The following CNTNAP2 variants were observed in gnomAD, a reference collection of about 807,000 sequenced individuals.
The protein encoded by CNTNAP2 is contactin-associated protein-like 2.
In CNTNAP2, 98 loss-of-function variants were observed where a neutral mutation model predicts 155.2. The ratio of observed to expected loss-of-function variants is 0.63; its 90% CI spans 0.54 to 0.75. The LOEUF (loss-of-function observed/expected upper bound fraction) is 0.75. Ranked by LOEUF, CNTNAP2 falls within the 30% of genes least tolerant of loss-of-function variation. The pLI, the probability that CNTNAP2 is intolerant of heterozygous loss-of-function variation, is 0.00. For missense variants in CNTNAP2, 1,727 were observed against 1,688.1 expected, an observed-to-expected ratio of 1.02 and a Z score of -0.40; for synonymous variants, 651 against 631.2, an observed-to-expected ratio of 1.03 and a Z score of -0.47.
At chr7:147,352,095 T>G (rs1795976566) in intron 9 of CNTNAP2, among the ~76,000 whole-genome samples, 1 of 151,956 alleles carries the variant, frequency 6.6e-6, no homozygotes, top group African/African-American at 2.4e-5. Flanking sequence ...TGCTTTAGGT[T>G]AATGTGTATT....
chr7:146,646,415 G>C (rs1054113702), intron 1 of CNTNAP2, among the ~76,000 whole-genome samples: 3 of 152,010 alleles, frequency 2.0e-5, no homozygotes, highest in Non-Finnish European at 4.4e-5. Context: ...TTTTCAGAGG[G>C]TTCAGGTATA....
At chr7:147,924,468 T>C (rs1325159922) in intron 14 of CNTNAP2, among the ~76,000 whole-genome samples, 3 of 152,146 alleles carry the variant, frequency 2.0e-5, no homozygotes, top group Non-Finnish European at 1.5e-5. Context: ...CATTTCCTTA[T>C]GTAATCTTCA....
chr7:146,363,058 C>T (rs528573735), intron 1 of CNTNAP2, among the ~76,000 whole-genome samples: 3 of 139,784 alleles, frequency 2.1e-5, no homozygotes, highest in South Asian at 2.1e-4. Context: ...TGTGAGCCAC[C>T]GCGCCTGGCC....
chr7:146,948,972 G>T (rs958147927), intron 3 of CNTNAP2, among the ~76,000 whole-genome samples: 2 of 152,086 alleles, frequency 1.3e-5, no homozygotes, highest in African/African-American at 4.8e-5. Context: ...GAGGAAGCAG[G>T]AATAATACAA....
chr7:147,809,535 A>C (rs1798148039), intron 13 of CNTNAP2, among the ~76,000 whole-genome samples: 1 of 152,198 alleles, frequency 6.6e-6, no homozygotes, highest in Non-Finnish European at 1.5e-5. Flanking sequence ...ATAAGCTGTA[A>C]ATTCCCTTAG....
chr7:146,195,636 A>G (rs1286939252), intron 1 of CNTNAP2, among the ~76,000 whole-genome samples: 1 of 152,166 alleles, frequency 6.6e-6, no homozygotes, highest in Non-Finnish European at 1.5e-5. Context: ...AAGGGTGCAA[A>G]CTGCTAAACT....
Position 147,036,305 on chromosome 7 carries a change from T to A in CNTNAP2, c.403-7602T>A, listed in dbSNP as rs567905029. On this transcript the variant is annotated intron_variant, in intron 3 of 23. Transcript: ENST00000361727. ...ACCTCTTAGACCATCTGAAATATTG[T>A]TTTAGCTAGAAAAAACAGTGCACCT... Among the ~76,000 whole-genome samples the A allele has an allele frequency of 5.3e-5, 8 of 152,304 alleles. No individual in the cohort carries two copies. The South Asian group carries it at 1.7e-3, about 32-fold the overall frequency.
At chr7:147,733,887 ATTGC>A (rs1412423210) in intron 13 of CNTNAP2, among the ~76,000 whole-genome samples, 7 of 152,124 alleles carry the variant, frequency 4.6e-5, no homozygotes, top group African/African-American at 1.7e-4. Context: ...CTTTGCTGAA[ATTGC>A]TTATCAGCTT....
chr7:147,073,711 A>G (rs1031014581), intron 4 of CNTNAP2, among the ~76,000 whole-genome samples: 1 of 152,198 alleles, frequency 6.6e-6, no homozygotes, highest in African/African-American at 2.4e-5. Flanking sequence ...CATGCCAGGA[A>G]GACAGAAATG....
At chr7:147,673,844 G>T (rs1213211617) in intron 13 of CNTNAP2, among the ~76,000 whole-genome samples, 1 of 152,224 alleles carries the variant, frequency 6.6e-6, no homozygotes, top group South Asian at 2.1e-4. Flanking sequence ...GGAAGCAAAT[G>T]CTACCTATAC....
At chr7:147,941,927 TAC>T (rs1800730111) in intron 14 of CNTNAP2, among the ~76,000 whole-genome samples, 1 of 152,246 alleles carries the variant, frequency 6.6e-6, no homozygotes, top group Non-Finnish European at 1.5e-5. Context: ...TTAAAGTGTG[TAC>T]GTTCTTTGAT....
chr7:146,781,988 C>A (rs1374637463), intron 2 of CNTNAP2, among the ~76,000 whole-genome samples: 1 of 152,142 alleles, frequency 6.6e-6, no homozygotes. Context: ...CCACTCATGA[C>A]CGCCCGAATC....
intron 3 of CNTNAP2, among the ~76,000 whole-genome samples, chr7:146,897,646 T>G (rs1795903859): frequency 6.6e-6 from 1 of 152,118 alleles, no homozygotes. Flanking sequence ...AGAGCTAAAC[T>G]TTTCCCTTAC....
At chr7:146,117,318 T>A (rs991019922) in intron 1 of CNTNAP2, 11 of 245,578 alleles carry the variant, frequency 4.5e-5, no homozygotes, top group Non-Finnish European at 8.7e-5. Context: ...GGTCAGTGAA[T>A]GAAAAGTGAA....
intron 18 of CNTNAP2, among the ~76,000 whole-genome samples, chr7:148,176,479 A>G (rs1794939429): frequency 6.6e-6 from 1 of 152,044 alleles, no homozygotes; most frequent in African/African-American, 2.4e-5. Flanking sequence ...TCAGCCTCCC[A>G]AAGTGCTGGG....
At chr7:148,320,866 A>G (rs1797780206) in intron 21 of CNTNAP2, among the ~76,000 whole-genome samples, 3 of 152,228 alleles carry the variant, frequency 2.0e-5, no homozygotes, top group Admixed American at 6.5e-5. Flanking sequence ...CCTCCTTAAA[A>G]TGCTTTTGAT....
intron 15 of CNTNAP2, among the ~76,000 whole-genome samples, chr7:148,042,223 G>A (rs555299415): frequency 1.2e-4 from 18 of 152,326 alleles, no homozygotes; most frequent in Admixed American, 2.6e-4. Context: ...AAGTTCAGTA[G>A]CATTAAGTAG....
rs530199243 is a variant in CNTNAP2 at position 146,318,528 on chromosome 7, A to C, written c.97+201555A>C. ...ACTTTTTCCTGTGAAATAAAAAGAG[A>C]TAGTCTTTAATATTTAGAATGATTG... On this transcript the variant is annotated intron_variant, in intron 1 of 23. Coordinates refer to ENST00000361727, the MANE Select transcript of CNTNAP2 (RefSeq NM_014141.6). 3.3e-5 allele frequency among the ~76,000 whole-genome samples: 5 copies of C among 152,294 alleles called. No individual in the cohort carries two copies. In the South Asian group the frequency reaches 1.0e-3, roughly 32 times the overall value.
At chr7:146,513,772 A>G (rs377214489) in intron 1 of CNTNAP2, among the ~76,000 whole-genome samples, 19 of 152,066 alleles carry the variant, frequency 1.2e-4, no homozygotes, top group African/African-American at 4.6e-4. Context: ...ACTTACTTTT[A>G]TCTGTGAGTC....
Sources: gnomAD v4.1 joint callset for allele counts (sites outside exome capture counted in the v4.1 genomes callset) on GRCh38, gnomAD v4.1.1 for gene constraint, MANE v1.5 for transcripts, NCBI Gene and HGNC (gene_info 2026-07-23, HGNC 2026-07-21) for gene names.